The following TRPM3 variants were observed in gnomAD, a reference collection of about 807,000 sequenced individuals.
TRPM3 encodes long transient receptor potential channel 3.
Under a neutral mutation model 181.2 loss-of-function variants are expected in TRPM3, and 77 were observed. The observed-to-expected ratio is 0.42, with a 90% CI of 0.35 to 0.51. The LOEUF is 0.51. TRPM3 is among the 20% of genes least tolerant of loss of function. TRPM3 has a pLI of 0.01. For synonymous variants in TRPM3, 745 were observed against 796.4 expected (o/e 0.94, Z 1.09); for missense variants, 1,759 against 2,196.7 (o/e 0.80, Z 3.98).
chr9:70,862,779 G>A, intron 3 of TRPM3, 129 bp downstream of exon 3: 1 of 887,812 alleles, frequency 1.1e-6, no homozygotes, highest in Non-Finnish European at 1.8e-6. Flanking sequence ...CTCAGAGCAG[G>A]TCACCTCATC....
chr9:70,859,622 G>T (rs2095474936), intron 3 of TRPM3, among the ~76,000 whole-genome samples: 1 of 152,140 alleles, frequency 6.6e-6, no homozygotes, highest in African/African-American at 2.4e-5. Context: ...AATTGCACAA[G>T]TATTTTAATA....
chr9:70,879,277 G>A (rs1294604266), intron 1 of TRPM3, among the ~76,000 whole-genome samples: 1 of 152,106 alleles, frequency 6.6e-6, no homozygotes, highest in African/African-American at 2.4e-5. Flanking sequence ...CTGGCACAGA[G>A]TTAGTGCTCT....
chr9:70,756,479 T>C (rs1345450968), intron 8 of TRPM3, among the ~76,000 whole-genome samples: 3 of 152,178 alleles, frequency 2.0e-5, no homozygotes, highest in African/African-American at 7.2e-5. Context: ...AACTCACCTC[T>C]GGACCAAGCA....
chr9:70,626,258 G>C (rs1209497118), intron 12 of TRPM3, among the ~76,000 whole-genome samples: 1 of 152,164 alleles, frequency 6.6e-6, no homozygotes, highest in African/African-American at 2.4e-5. Context: ...TTGTGAGAAA[G>C]TCTGAGTGCA....
At chr9:70,961,477 G>T (rs562207532) in intron 1 of TRPM3, among the ~76,000 whole-genome samples, 278 of 152,236 alleles carry the variant, frequency 1.8e-3, no homozygotes, top group African/African-American at 6.2e-3. Context: ...TGAAGCCTCA[G>T]GTAAAGCCAT....
At position 71,245,608 on chromosome 9, in the gene TRPM3, G is replaced by A. The variant is rs529196281; in HGVS notation, c.183+201045C>T. Among the ~76,000 whole-genome samples, 10 of 152,230 alleles carry A rather than the reference G, an allele frequency of 6.6e-5. No individual in the cohort carries two copies. The South Asian group carries it at 1.7e-3, about 25-fold the overall frequency. ...ATAAGAATAAATTAGTAGTAAGGAC[G>A]TACAAGTGGGATAGGCTTTAACCAG... On this transcript the variant is annotated intron_variant, in intron 1 of 24. Coordinates refer to the TRPM3 transcript ENST00000357533.
intron 1 of TRPM3, among the ~76,000 whole-genome samples, chr9:71,292,703 G>C (rs137988840): frequency 1.5e-4 from 23 of 151,924 alleles, no homozygotes; most frequent in African/African-American, 4.1e-4. Flanking sequence ...TTACCAGCAA[G>C]TTCTATGAAC....
At chr9:71,243,510 T>G (rs927586639) in intron 1 of TRPM3, among the ~76,000 whole-genome samples, 1 of 152,244 alleles carries the variant, frequency 6.6e-6, no homozygotes, top group African/African-American at 2.4e-5. Context: ...CTTTTCCTTT[T>G]CTTTAAGTCT....
chr9:70,623,290 T>C (rs2063914754), intron 14 of TRPM3, among the ~76,000 whole-genome samples: 1 of 149,640 alleles, frequency 6.7e-6, no homozygotes, highest in Non-Finnish European at 1.5e-5. Context: ...TGCTTGAACC[T>C]GGGAGGTGGA....
intron 1 of TRPM3, among the ~76,000 whole-genome samples, chr9:71,316,623 A>G (rs1196076595): frequency 1.3e-5 from 2 of 152,148 alleles, no homozygotes; most frequent in Non-Finnish European, 2.9e-5. Flanking sequence ...GCCATAAGCC[A>G]AGGAATGAAG....
At chr9:70,752,000 G>GTGTGTA (rs199933344) in intron 8 of TRPM3, among the ~76,000 whole-genome samples, 7,268 of 60,412 alleles carry the variant, frequency 0.12, 162 homozygotes, top group Admixed American at 0.14. Context: ...CATCTCAACA[G>GTGTGTA]TGTGTGTGTG....
At chr9:71,353,030 A>G (rs1298155035) in intron 1 of TRPM3, among the ~76,000 whole-genome samples, 1 of 152,092 alleles carries the variant, frequency 6.6e-6, no homozygotes, top group Non-Finnish European at 1.5e-5. Flanking sequence ...CAGAATCGCA[A>G]CTGATGTTCA....
At chr9:71,339,726 T>C (rs767415147) in intron 1 of TRPM3, among the ~76,000 whole-genome samples, 2 of 152,072 alleles carry the variant, frequency 1.3e-5, no homozygotes, top group African/African-American at 2.4e-5. Context: ...CTGTGATTTC[T>C]GGAGGCTGGG....
At position 70,534,482 on chromosome 9, in the gene TRPM3, TTA is replaced by T. The variant is rs2041333213; in HGVS notation, c.*1469_*1470del. The T allele has an allele frequency of 1.3e-5, 2 of 152,254 alleles. No individual in the cohort carries two copies. Among genetic ancestry groups the T allele is most frequent in the African/African-American group, 4.8e-5 (2 of 41,472 alleles). The allele number at this position is 152,254 out of a possible 1,614,324, so 9.4% of individuals were successfully genotyped here. A position where few individuals can be genotyped will look rare whatever the true frequency, so the allele number is the denominator to read the frequency against. On this transcript the variant is annotated 3_prime_UTR_variant, in exon 26 of 26. Transcript: ENST00000677713. ...AGTCCAAGCCTCTTAAGAAAGCTCT[TTA>T]TGTCCATTTATTTTATATATAAATA...
intron 1 of TRPM3, among the ~76,000 whole-genome samples, chr9:71,194,734 A>C (rs1227705750): frequency 6.6e-6 from 1 of 151,964 alleles, no homozygotes; most frequent in Non-Finnish European, 1.5e-5. Context: ...TTTTAGCCAT[A>C]AACAACTGGT....
At chr9:70,587,685 T>C (rs978152579) in intron 22 of TRPM3, among the ~76,000 whole-genome samples, 4 of 152,196 alleles carry the variant, frequency 2.6e-5, no homozygotes, top group African/African-American at 9.7e-5. Context: ...TGGGTCACAC[T>C]GATGAGACTA....
intron 6 of TRPM3, among the ~76,000 whole-genome samples, chr9:70,813,606 T>C (rs1418076384): frequency 6.6e-6 from 1 of 152,110 alleles, no homozygotes; most frequent in Admixed American, 6.6e-5. Flanking sequence ...CTCAGCATCA[T>C]GCAATATACG....
intron 25 of TRPM3, among the ~76,000 whole-genome samples, chr9:70,547,029 G>A (rs1344298484): frequency 2.0e-5 from 3 of 152,108 alleles, no homozygotes; most frequent in Non-Finnish European, 2.9e-5. Flanking sequence ...GAAGACTCAC[G>A]CAAATACAAC....
chr9:70,826,300 T>C (rs1251043809), intron 6 of TRPM3: 1 of 152,216 alleles, frequency 6.6e-6, no homozygotes. Context: ...TTGATCACAG[T>C]GCTTTGTTAC....
Sources: gnomAD v4.1 joint callset for allele counts (sites outside exome capture counted in the v4.1 genomes callset) on GRCh38, gnomAD v4.1.1 for gene constraint, MANE v1.5 for transcripts, NCBI Gene and HGNC (gene_info 2026-07-23, HGNC 2026-07-21) for gene names.